Variants in ARHGAP42 observed in about 807,000 individuals in gnomAD.
The protein encoded by ARHGAP42 is rho GTPase-activating protein 42.
ARHGAP42 carries 63 observed loss-of-function variants against 125.0 expected under a neutral mutation model. That is an observed-to-expected ratio of 0.50 (90% CI 0.41 to 0.62). The LOEUF (loss-of-function observed/expected upper bound fraction) is 0.62. Among genes scored for constraint, ARHGAP42 ranks in the 20% least tolerant of loss-of-function variants. The pLI is 0.00. For missense variants in ARHGAP42, 766 were observed against 1,024.2 expected (o/e 0.75, Z 3.44); for synonymous variants, 339 against 351.0 (o/e 0.97, Z 0.38).
intron 5 of ARHGAP42, among the ~76,000 whole-genome samples, chr11:100,914,745 A>G (rs1288302776): frequency 6.6e-6 from 1 of 152,098 alleles, no homozygotes; most frequent in African/African-American, 2.4e-5. Flanking sequence ...TCCTTCTGCT[A>G]GGAAAACCTC....
Position 100,936,519 on chromosome 11 carries a change from G to A in ARHGAP42, c.832+187G>A, listed in dbSNP as rs114692843. Among the ~76,000 whole-genome samples, 593 of 152,238 alleles carry A rather than the reference G, an allele frequency of 3.9e-3. 3 individuals carry two copies. The highest frequency in any genetic ancestry group is 0.014 in the African/African-American group (567 of 41,542). ...TTTTGCCATCAGGATATCTAAGTTGGCATATTGTTGAACTTGGGACTTACA... is the reference window on the plus strand; with the variant it reads ...TTTTGCCATCAGGATATCTAAGTTGACATATTGTTGAACTTGGGACTTACA... On this transcript the variant is annotated intron_variant, in intron 8 of 23. Coordinates refer to ENST00000298815, the MANE Select transcript of ARHGAP42 (RefSeq NM_152432.4).
At chr11:100,765,452 CACTTA>C (rs1323774713) in intron 1 of ARHGAP42, among the ~76,000 whole-genome samples, 3 of 152,140 alleles carry the variant, frequency 2.0e-5, no homozygotes, top group African/African-American at 4.8e-5. Flanking sequence ...TTGGGGAAGT[CACTTA>C]ACTTATCTGT....
At chr11:100,955,540 G>T (rs1484486640) in intron 12 of ARHGAP42, among the ~76,000 whole-genome samples, 1 of 152,034 alleles carries the variant, frequency 6.6e-6, no homozygotes, top group Non-Finnish European at 1.5e-5. Context: ...GAGCAATCCT[G>T]GTACAAACCA....
chr11:100,869,495 A>G (rs904856245), intron 4 of ARHGAP42, among the ~76,000 whole-genome samples: 1 of 151,928 alleles, frequency 6.6e-6, no homozygotes, highest in African/African-American at 2.4e-5. Flanking sequence ...ATTAACACCA[A>G]TGGAGAAACA....
At chr11:100,891,529 G>A (rs547541813) in intron 4 of ARHGAP42, among the ~76,000 whole-genome samples, 105 of 145,996 alleles carry the variant, frequency 7.2e-4, no homozygotes, top group African/African-American at 2.5e-3. Context: ...TGCAACCTCT[G>A]CCTCCTGGGT....
chr11:100,688,678 TG>T (rs1565529047), intron 1 of ARHGAP42, among the ~76,000 whole-genome samples: 1 of 152,250 alleles, frequency 6.6e-6, no homozygotes, highest in East Asian at 1.9e-4. Context: ...TTACATGATA[TG>T]GCTTGTTACC....
intron 1 of ARHGAP42, among the ~76,000 whole-genome samples, chr11:100,690,094 G>A (rs1861161314): frequency 6.6e-6 from 1 of 152,038 alleles, no homozygotes; most frequent in African/African-American, 2.4e-5. Context: ...CTGTGGGAGC[G>A]TCCCTGTACC....
chr11:100,880,891 C>A (rs573066396), intron 4 of ARHGAP42, among the ~76,000 whole-genome samples: 20 of 151,994 alleles, frequency 1.3e-4, no homozygotes, highest in Non-Finnish European at 2.2e-4. Flanking sequence ...CATTTGTATA[C>A]CTTCTTTTGA....
At chr11:100,945,229 G>A (rs1490019715) in intron 10 of ARHGAP42, among the ~76,000 whole-genome samples, 7 of 152,016 alleles carry the variant, frequency 4.6e-5, no homozygotes. Flanking sequence ...TTTTCTAGAA[G>A]GCTCCACTTC....
intron 4 of ARHGAP42, among the ~76,000 whole-genome samples, chr11:100,903,116 C>CGCGT (rs1404654411): frequency 1.5e-5 from 2 of 130,034 alleles, no homozygotes; most frequent in African/African-American, 6.0e-5. Flanking sequence ...GTCCAAGATG[C>CGCGT]GCACACACAC....
At chr11:100,968,201 T>A (rs996990414) in intron 17 of ARHGAP42, among the ~76,000 whole-genome samples, 1 of 152,222 alleles carries the variant, frequency 6.6e-6, no homozygotes, top group Non-Finnish European at 1.5e-5. Flanking sequence ...AATGTATATC[T>A]ACTGTAGAAA....
Position 100,924,874 on chromosome 11 carries a change from C to T in ARHGAP42, c.597+3270C>T, listed in dbSNP as rs373481622. Among the ~76,000 whole-genome samples, 26 of 152,114 alleles carry T rather than the reference C, an allele frequency of 1.7e-4. No individual in the cohort carries two copies. The East Asian group carries it at 1.7e-3, about 10-fold the overall frequency. On this transcript the variant is annotated intron_variant, in intron 6 of 23. Transcript: ENST00000298815. Reference sequence around the variant, plus strand: ...ATGGAGTGTCGCCCTGTTGCCCAGGCTGGAGTGCAGTGGCATAATCTCAGC... The same window carrying T: ...ATGGAGTGTCGCCCTGTTGCCCAGGTTGGAGTGCAGTGGCATAATCTCAGC...
chr11:100,687,487 G>T lies in ARHGAP42; in HGVS notation c.-192G>T, dbSNP rs1280641001. On this transcript the variant is annotated 5_prime_UTR_variant, in exon 1 of 24. Coordinates refer to ENST00000298815, the MANE Select transcript of ARHGAP42 (RefSeq NM_152432.4). Reference sequence around the variant, plus strand: ...CCCGCGCCTGCGCTCGCCTAGCCTCGGGGGAGGAAGACTGAGCCCGGCGCA... The same window carrying T: ...CCCGCGCCTGCGCTCGCCTAGCCTCTGGGGAGGAAGACTGAGCCCGGCGCA... 1 of 278,156 alleles carries T rather than the reference G, an allele frequency of 3.6e-6. No homozygotes were observed. Among genetic ancestry groups the T allele is most frequent in the Non-Finnish European group, 6.0e-6 (1 of 165,736 alleles). 17.2% of individuals were successfully genotyped at this position (278,156 alleles called of 1,614,324 possible).
intron 4 of ARHGAP42, among the ~76,000 whole-genome samples, chr11:100,881,067 C>T (rs1405123159): frequency 6.6e-6 from 1 of 152,098 alleles, no homozygotes; most frequent in Non-Finnish European, 1.5e-5. Context: ...GTTCCTTTTG[C>T]CATGGAAAAG....
intron 4 of ARHGAP42, 113 bp from the exon 5 acceptor site, chr11:100,913,339 G>C (rs1866976196): frequency 5.8e-6 from 2 of 342,342 alleles, no homozygotes; most frequent in Non-Finnish European, 1.1e-5. Context: ...CACATAGTTG[G>C]GACTCACTGT....
At chr11:100,895,095 G>A (rs898318274) in intron 4 of ARHGAP42, among the ~76,000 whole-genome samples, 3 of 152,184 alleles carry the variant, frequency 2.0e-5, no homozygotes, top group African/African-American at 7.2e-5. Context: ...ATTTCATCGT[G>A]CTTTCTTACA....
At chr11:100,953,991 A>G (rs957267662) in intron 12 of ARHGAP42, among the ~76,000 whole-genome samples, 1 of 104,752 alleles carries the variant, frequency 9.5e-6, no homozygotes, top group Non-Finnish European at 1.9e-5. Context: ...CTGCCATTTG[A>G]ATACATCTTT....
intron 1 of ARHGAP42, among the ~76,000 whole-genome samples, chr11:100,726,338 C>G (rs1256190772): frequency 6.6e-6 from 1 of 151,932 alleles, no homozygotes; most frequent in Non-Finnish European, 1.5e-5. Flanking sequence ...ACTGGTGGTG[C>G]TGATGGGTTA....
chr11:100,890,955 C>T (rs1299364020), intron 4 of ARHGAP42, among the ~76,000 whole-genome samples: 2 of 152,168 alleles, frequency 1.3e-5, no homozygotes, highest in Non-Finnish European at 2.9e-5. Context: ...GTGAGGTTCT[C>T]TCCAAGGGGG....
Sources: allele counts gnomAD v4.1 joint callset (sites outside exome capture counted in the v4.1 genomes callset), GRCh38; gene constraint gnomAD v4.1.1; transcripts MANE v1.5; gene names NCBI Gene and HGNC (gene_info 2026-07-23, HGNC 2026-07-21).